The following TRERF1 variants were observed in gnomAD, a reference collection of about 807,000 sequenced individuals.
TRERF1 encodes the protein transcriptional regulating factor 1.
Under a neutral mutation model 122.9 loss-of-function variants are expected in TRERF1, and 27 were observed. That is an observed-to-expected ratio of 0.22 (90% confidence interval 0.16 to 0.30). TRERF1 has a LOEUF of 0.30. Among genes scored for constraint, TRERF1 ranks in the 10% least tolerant of loss-of-function variants. TRERF1 has a pLI of 1.00. For synonymous variants in TRERF1, 636 were observed against 641.7 expected (o/e 0.99, Z 0.13); for missense variants, 1,248 against 1,560.3 (o/e 0.80, Z 3.37).
exon 16 of TRERF1, chr6:42,236,395 T>A: frequency 6.4e-7 from 1 of 1,554,972 alleles, no homozygotes; most frequent in Non-Finnish European, 8.7e-7. Flanking sequence ...CTCTAACTCT[T>A]CTTCTTCTTC....
At chr6:42,239,347 C>A (rs531206390) in intron 15 of TRERF1, among the ~76,000 whole-genome samples, 4 of 152,320 alleles carry the variant, frequency 2.6e-5, no homozygotes, top group Admixed American at 2.6e-4. Flanking sequence ...AGCATGAGCA[C>A]AGGCAGGGGA....
At chr6:42,342,515 T>C (rs1255183958) in intron 3 of TRERF1, among the ~76,000 whole-genome samples, 1 of 152,104 alleles carries the variant, frequency 6.6e-6, no homozygotes, top group Non-Finnish European at 1.5e-5. Context: ...ACAGGAGGCC[T>C]GGGAAATTAA....
chr6:42,318,487 C>T (rs181564803), intron 3 of TRERF1, among the ~76,000 whole-genome samples: 49 of 152,264 alleles, frequency 3.2e-4, no homozygotes, highest in African/African-American at 1.0e-3. Flanking sequence ...ACAGCCAAGA[C>T]GAACCCTTCA....
chr6:42,442,961 T>C (rs893485747), intron 2 of TRERF1, among the ~76,000 whole-genome samples: 2 of 152,230 alleles, frequency 1.3e-5, no homozygotes, highest in African/African-American at 2.4e-5. Context: ...TCCTCAGCTA[T>C]AAAATGAGGA....
rs748868871 is a variant in TRERF1 at position 42,264,670 on chromosome 6, A to G, written c.1635+34T>C. ...AGCAAAGCAAAGCAAGCAGCACACG[A>G]CCTAGAAAGGACCGGGAACTGGCTC... On this transcript the variant is annotated intron_variant, in intron 7 of 17. Transcript: ENST00000372922. 15 of 1,609,232 alleles carry G rather than the reference A, an allele frequency of 9.3e-6. No individual in the cohort carries two copies. In the East Asian group the frequency reaches 3.3e-4, roughly 36 times the overall value.
intron 2 of TRERF1, among the ~76,000 whole-genome samples, chr6:42,408,772 T>C (rs1012837098): frequency 1.4e-4 from 21 of 152,180 alleles, no homozygotes; most frequent in Admixed American, 1.4e-3. Context: ...TTTATGGAAT[T>C]TTCAAACACA....
chr6:42,266,068 G>GT (rs1779113640), intron 5 of TRERF1, among the ~76,000 whole-genome samples: 1 of 151,820 alleles, frequency 6.6e-6, no homozygotes, highest in African/African-American at 2.4e-5. Context: ...CCCCCACCGT[G>GT]TTTTTTCCTG....
intron 17 of TRERF1, among the ~76,000 whole-genome samples, chr6:42,229,269 C>G (rs1770044218): frequency 6.6e-6 from 1 of 152,156 alleles, no homozygotes; most frequent in East Asian, 1.9e-4. Flanking sequence ...TCTCGATTAG[C>G]TAGGACTACA....
chr6:42,398,890 G>GT (rs1421995802), intron 2 of TRERF1, among the ~76,000 whole-genome samples: 1 of 152,222 alleles, frequency 6.6e-6, no homozygotes, highest in Non-Finnish European at 1.5e-5. Flanking sequence ...CATCCCACAG[G>GT]TAACACCAAT....
chr6:42,380,193 G>A (rs1352754772), intron 2 of TRERF1, among the ~76,000 whole-genome samples: 1 of 151,756 alleles, frequency 6.6e-6, no homozygotes, highest in Non-Finnish European at 1.5e-5. Context: ...GTAACAGTGA[G>A]GAGGAGGGGA....
chr6:42,437,912 TTTATTTATTTATTTA>T (rs997358938), intron 2 of TRERF1, among the ~76,000 whole-genome samples: 1 of 151,990 alleles, frequency 6.6e-6, no homozygotes, highest in Admixed American at 6.5e-5. Flanking sequence ...CTGTTATTTA[TTTATTTATTTATTTA>T]TTATTTATTT....
At chr6:42,422,518 A>G (rs1362184922) in intron 2 of TRERF1, among the ~76,000 whole-genome samples, 1 of 151,784 alleles carries the variant, frequency 6.6e-6, no homozygotes, top group Non-Finnish European at 1.5e-5. Context: ...AAAAAAAAAA[A>G]AAAAAAAATA....
intron 2 of TRERF1, among the ~76,000 whole-genome samples, chr6:42,430,854 C>T (rs1256786784): frequency 6.6e-6 from 1 of 151,096 alleles, no homozygotes; most frequent in Non-Finnish European, 1.5e-5. Flanking sequence ...CAAGATTGTG[C>T]CACTGCACTC....
intron 2 of TRERF1, among the ~76,000 whole-genome samples, chr6:42,401,300 C>T (rs950433532): frequency 2.0e-5 from 3 of 152,204 alleles, no homozygotes; most frequent in African/African-American, 7.2e-5. Flanking sequence ...CTTCTTTTCA[C>T]CAAAGGCTCC....
At chr6:42,311,765 CAAAAAAAAAA>C (rs10530333) in intron 3 of TRERF1, among the ~76,000 whole-genome samples, 1 of 34,574 alleles carries the variant, frequency 2.9e-5, no homozygotes, top group Non-Finnish European at 6.9e-5. Flanking sequence ...GACTCCGTCT[CAAAAAAAAAA>C]AAAAAAAAAA....
At chr6:42,303,927 A>AAAAAAAAAG (rs1554157103) in intron 3 of TRERF1, among the ~76,000 whole-genome samples, 3 of 150,108 alleles carry the variant, frequency 2.0e-5, no homozygotes, top group African/African-American at 7.4e-5. Context: ...AAAAAAAAAA[A>AAAAAAAAAG]AAGAAGATGT....
chr6:42,255,770 C>T (rs747883353), intron 12 of TRERF1, among the ~76,000 whole-genome samples: 2 of 152,064 alleles, frequency 1.3e-5, no homozygotes, highest in Non-Finnish European at 2.9e-5. Context: ...ATGCAGGAAG[C>T]TAGATATACT....
At chr6:42,233,433 C>G (rs2149493494) in intron 16 of TRERF1, among the ~76,000 whole-genome samples, 1 of 151,864 alleles carries the variant, frequency 6.6e-6, no homozygotes, top group Middle Eastern at 3.4e-3. Flanking sequence ...CTACAGGCGC[C>G]CGCCACCACG....
At chr6:42,262,236 C>G (rs1308409854) in intron 8 of TRERF1, among the ~76,000 whole-genome samples, 1 of 152,024 alleles carries the variant, frequency 6.6e-6, no homozygotes, top group Non-Finnish European at 1.5e-5. Context: ...TGATATTACA[C>G]CATAAAGGTT....
Sources: gnomAD v4.1 joint callset for allele counts (sites outside exome capture counted in the v4.1 genomes callset) on GRCh38, gnomAD v4.1.1 for gene constraint, MANE v1.5 for transcripts, NCBI Gene and HGNC (gene_info 2026-07-23, HGNC 2026-07-21) for gene names.